Variants in C1QTNF5 observed in about 807,000 individuals in gnomAD.
C1QTNF5 encodes C1q and TNF related 5.
In C1QTNF5, 5 loss-of-function variants were observed where a neutral mutation model predicts 10.9. The ratio of observed to expected loss-of-function variants is 0.46; its 90% CI spans 0.24 to 0.97. The LOEUF (loss-of-function observed/expected upper bound fraction) is 0.97. Ranked by LOEUF, C1QTNF5 falls within the 50% of genes least tolerant of loss-of-function variation. The pLI, the probability that C1QTNF5 is intolerant of heterozygous loss-of-function variation, is 0.19. For missense variants in C1QTNF5, 281 were observed against 339.4 expected (o/e 0.83, Z 1.35); for synonymous variants, 161 against 156.5 (o/e 1.03, Z -0.22).
Position 119,339,385 on chromosome 11 carries a change from G to A in C1QTNF5, c.678C>T (p.Thr226=). The change falls in exon 3 of 3, where the codon ACC becomes ACT. Residue 226 remains threonine (T), a synonymous_variant. Transcript: ENST00000528368. The surrounding 1 kb of genome is among the most constrained non-coding windows in gnomAD (Gnocchi z 5.4). ...CGGAGTACACCAGAAATCCGGAGAA[G>A]GTGCTGTCTGTCTTGATGCTGGCAT... ...GIYASIKTDS[T]FSGFLVYSDW... 6.2e-7 allele frequency: 1 copy of A among 1,613,072 alleles called. No homozygotes were observed. Among genetic ancestry groups the A allele is most frequent in the South Asian group, 1.1e-5 (1 of 91,010 alleles).
At chr11:119,341,959 C>T (rs1208792890), upstream of C1QTNF5, 2 of 1,613,790 alleles carry the variant, frequency 1.2e-6, no homozygotes. Context: ...GGCACATCTC[C>T]ACCTGGACAG....
upstream of C1QTNF5, chr11:119,345,886 A>G (rs766079913): frequency 4.3e-6 from 7 of 1,613,664 alleles, no homozygotes; most frequent in Middle Eastern, 3.3e-4. Context: ...TCCGGCAGGC[A>G]GTGGGCTATG....
At chr11:119,341,765 G>C (rs776909144), upstream of C1QTNF5, 1 of 1,613,232 alleles carries the variant, frequency 6.2e-7, no homozygotes, top group South Asian at 1.1e-5. Flanking sequence ...GGGCAGGCTT[G>C]TCAGGCTCTG....
Position 119,339,222 on chromosome 11 carries a change from C to G in C1QTNF5, c.*109G>C. On this transcript the variant is annotated 3_prime_UTR_variant, in exon 3 of 3. Transcript: ENST00000528368. This position sits in a 1 kb window ranked among gnomAD's most constrained non-coding sequence, Gnocchi z 5.4. Reference sequence around the variant, plus strand: ...GACGGAGAGTGCTCTACCCCACCTCCCTAGTCATTCACAATATTCCAGGGG... The same window carrying G: ...GACGGAGAGTGCTCTACCCCACCTCGCTAGTCATTCACAATATTCCAGGGG... 1 of 1,277,144 alleles carries G rather than the reference C, an allele frequency of 7.8e-7. No homozygotes were observed. Among genetic ancestry groups the G allele is most frequent in the Non-Finnish European group, 1.1e-6 (1 of 919,504 alleles). The allele number at this position is 1,277,144 out of a possible 1,614,324, so 79.1% of individuals were successfully genotyped here.
chr11:119,341,389 C>T, upstream of C1QTNF5: 1 of 636,260 alleles, frequency 1.6e-6, no homozygotes, highest in Non-Finnish European at 2.7e-6. Flanking sequence ...GTGGTAGGGT[C>T]CCATGAGCCC....
chr11:119,343,099 G>T, upstream of C1QTNF5: 1 of 1,463,622 alleles, frequency 6.8e-7, no homozygotes, highest in Non-Finnish European at 9.2e-7. Flanking sequence ...GGGAGCCCTG[G>T]ATGATGCCAA....
the C1QTNF5 span, chr11:119,346,566 C>G: frequency 6.3e-7 from 1 of 1,582,392 alleles, no homozygotes; most frequent in Non-Finnish European, 8.7e-7. Flanking sequence ...CCAAGACCCC[C>G]AAGGGCCCAC....
chr11:119,344,928 T>A, upstream of C1QTNF5: 1 of 1,611,676 alleles, frequency 6.2e-7, no homozygotes, highest in South Asian at 1.1e-5. Flanking sequence ...CCTTCCACAC[T>A]GCTGTCAGAG....
upstream of C1QTNF5, chr11:119,345,885 CAGTGGG>C (rs1565296016): frequency 6.2e-7 from 1 of 1,613,490 alleles, no homozygotes; most frequent in Non-Finnish European, 8.5e-7. Flanking sequence ...CTCCGGCAGG[CAGTGGG>C]CTATGGGACG....
At chr11:119,341,324 T>C, upstream of C1QTNF5, 1 of 587,540 alleles carries the variant, frequency 1.7e-6, no homozygotes, top group Non-Finnish European at 3.0e-6. Context: ...GGTGGCACAG[T>C]GTGGGGCCAG....
In C1QTNF5 at chr11:119,339,980, C is replaced by T; in HGVS notation, c.215-132G>A. The T allele has an allele frequency of 7.6e-7, 1 of 1,309,650 alleles. No individual in the cohort carries two copies. Among genetic ancestry groups the T allele is most frequent in the Non-Finnish European group, 1.0e-6 (1 of 998,442 alleles). 81.1% of individuals were successfully genotyped at this position (1,309,650 alleles called of 1,614,324 possible). ...GCCAGCGCCTCCTCCCGCACGGGTA[C>T]CTCCTCCACCCCTTCCCGCAGGGCA... On this transcript the variant is annotated intron_variant, in intron 2 of 2. Coordinates refer to ENST00000528368, the MANE Select transcript of C1QTNF5 (RefSeq NM_001278431.2). The surrounding 1 kb of genome is among the most constrained non-coding windows in gnomAD (Gnocchi z 5.4).
At chr11:119,341,152 C>A, upstream of C1QTNF5, 1 of 246,942 alleles carries the variant, frequency 4.0e-6, no homozygotes. Flanking sequence ...AGGCAGACAG[C>A]CAGTTGGATC....
upstream of C1QTNF5, chr11:119,341,325 G>T: frequency 1.7e-6 from 1 of 589,702 alleles, no homozygotes; most frequent in South Asian, 2.0e-5. Flanking sequence ...GTGGCACAGT[G>T]TGGGGCCAGT....
chr11:119,345,105 C>A, upstream of C1QTNF5: 1 of 1,473,532 alleles, frequency 6.8e-7, no homozygotes, highest in Non-Finnish European at 9.2e-7. Context: ...AACCCCCAAA[C>A]TGGTGACCAT....
chr11:119,343,055 G>C (rs1477731629), upstream of C1QTNF5: 1 of 1,556,308 alleles, frequency 6.4e-7, no homozygotes, highest in Non-Finnish European at 8.7e-7. Context: ...GACTGAGGGG[G>C]CACTGCAGCC....
At chr11:119,346,213 G>A in the C1QTNF5 span, 1 of 1,565,896 alleles carries the variant, frequency 6.4e-7, no homozygotes, top group Non-Finnish European at 8.7e-7. Flanking sequence ...TATTCCTCAT[G>A]CTGTCCTTGG....
intron 1 of C1QTNF5, 23 bp downstream of exon 1, chr11:119,340,672 T>G: frequency 2.1e-6 from 1 of 476,462 alleles, no homozygotes; most frequent in Non-Finnish European, 3.7e-6. Flanking sequence ...CCCAGCCCCT[T>G]TCCCCTCCTC....
the C1QTNF5 span, chr11:119,346,163 C>G: frequency 2.5e-6 from 4 of 1,585,048 alleles, no homozygotes; most frequent in Non-Finnish European, 2.6e-6. Flanking sequence ...CGCCGACCTG[C>G]GGGTTGGCAG....
chr11:119,342,800 AG>A (rs1950516311), upstream of C1QTNF5: 1 of 1,612,996 alleles, frequency 6.2e-7, no homozygotes, highest in Non-Finnish European at 8.5e-7. Flanking sequence ...TGTCCTGACC[AG>A]GGTCCAGAGC....
Sources: allele counts gnomAD v4.1 joint callset, GRCh38; gene constraint gnomAD v4.1.1; non-coding constraint Gnocchi (gnomAD v3.1); transcripts MANE v1.5; gene names NCBI Gene and HGNC (gene_info 2026-07-23, HGNC 2026-07-21).